The following MRC2 variants were observed in gnomAD, a reference collection of about 807,000 sequenced individuals.
The protein encoded by MRC2 is C-type mannose receptor 2.
MRC2 carries 84 observed loss-of-function variants against 206.2 expected under a neutral mutation model. That is an observed-to-expected ratio of 0.41 (90% CI 0.34 to 0.49). The LOEUF is 0.49. Ranked by LOEUF, MRC2 falls within the 20% of genes least tolerant of loss-of-function variation. The probability of loss-of-function intolerance (pLI) is 0.31; values close to 1 mark genes in which losing one functional copy is unlikely to be tolerated. For missense variants in MRC2, 1,676 were observed against 2,001.5 expected, an observed-to-expected ratio of 0.84 and a Z score of 3.10; for synonymous variants, 798 against 800.0, an observed-to-expected ratio of 1.00 and a Z score of 0.04.
At chr17:62,657,894 A>G (rs2088636769) in intron 1 of MRC2, among the ~76,000 whole-genome samples, 1 of 152,120 alleles carries the variant, frequency 6.6e-6, no homozygotes, top group South Asian at 2.1e-4. Flanking sequence ...CTTCGGGTGG[A>G]AAATGCTCTC....
At chr17:62,633,945 CAAGA>C (rs1407551229) in intron 1 of MRC2, among the ~76,000 whole-genome samples, 6 of 146,282 alleles carry the variant, frequency 4.1e-5, no homozygotes, top group Admixed American at 2.1e-4. Context: ...GGAACTCACG[CAAGA>C]AAGAATTTGA....
At chr17:62,679,606 G>C in intron 13 of MRC2, 194 bp from the exon 14 acceptor site, 1 of 506,732 alleles carries the variant, frequency 2.0e-6, no homozygotes, top group Non-Finnish European at 3.5e-6. Flanking sequence ...GCTCTCCCCA[G>C]CTCTGTCTTG....
In MRC2 at chr17:62,680,174, C is replaced by T. The variant is rs936535382; in HGVS notation, c.2303C>T (p.Ser768Phe). 4.3e-6 allele frequency: 7 copies of T among 1,613,984 alleles called. No homozygotes were observed. The highest frequency in any genetic ancestry group is 1.1e-5 in the South Asian group (1 of 91,076). Residue 768 changes from serine (S) to phenylalanine (F), a missense_variant, in exon 15 of 30, where the codon TCT becomes TTT. By Grantham distance (155) the Ser-to-Phe change is radical. Coordinates refer to ENST00000303375, the MANE Select transcript of MRC2 (RefSeq NM_006039.5). The surrounding 1 kb of genome is among the most constrained non-coding windows in gnomAD (Gnocchi z 4.8). ...CCCTCCACCCGCCTCCTCCAGTTCTCTTACCACAATTTCGACCGGAGCCGG... is the reference window on the plus strand; with the variant it reads ...CCCTCCACCCGCCTCCTCCAGTTCTTTTACCACAATTTCGACCGGAGCCGG... ...SWRWSDGVGFSYHNFDRSRHD... is the reference protein window; with the variant it reads ...SWRWSDGVGFFYHNFDRSRHD...
chr17:62,675,663 C>A lies in MRC2; in HGVS notation c.1570-127C>A. On this transcript the variant is annotated intron_variant, in intron 9 of 29. Transcript: ENST00000303375. This position sits in a 1 kb window ranked among gnomAD's most constrained non-coding sequence, Gnocchi z 4.1. ...TGCAGAACACAGCCCAGTACTCAAA[C>A]CAGTCCCCTCCGTCCTGAGCACGTT... 1 of 734,640 alleles carries A rather than the reference C, an allele frequency of 1.4e-6. No homozygotes were observed. Among genetic ancestry groups the A allele is most frequent in the Non-Finnish European group, 2.4e-6 (1 of 416,748 alleles). The allele number at this position is 734,640 out of a possible 1,614,324, so 45.5% of individuals were successfully genotyped here.
At position 62,680,405 on chromosome 17, in the gene MRC2, C is replaced by T. The variant is rs1222028831; in HGVS notation, c.2438-13C>T. 2.5e-6 allele frequency: 4 copies of T among 1,614,148 alleles called. No homozygotes were observed. The highest frequency in any genetic ancestry group is 3.4e-6 in the Non-Finnish European group (4 of 1,179,988). On this transcript the variant is annotated splice_polypyrimidine_tract_variant and intron_variant, in intron 15 of 29. Transcript: ENST00000303375. This position sits in a 1 kb window ranked among gnomAD's most constrained non-coding sequence, Gnocchi z 4.8. ...CTCCTTTCCTCACAACGTCTTTGTCCTTGTTCCCCTAGGTACGGACGTGCG... is the reference window on the plus strand; with the variant it reads ...CTCCTTTCCTCACAACGTCTTTGTCTTTGTTCCCCTAGGTACGGACGTGCG...
intron 26 of MRC2, 27 bp from the exon 27 acceptor site, chr17:62,690,615 C>T (rs774780692): frequency 4.9e-5 from 77 of 1,576,720 alleles, no homozygotes; most frequent in Non-Finnish European, 6.1e-5. Flanking sequence ...ACCCATCCGC[C>T]CTGACGTGGG....
At chr17:62,641,644 A>G (rs1449160501) in intron 1 of MRC2, among the ~76,000 whole-genome samples, 7 of 152,230 alleles carry the variant, frequency 4.6e-5, no homozygotes, top group African/African-American at 1.7e-4. Context: ...AGATATGGAT[A>G]AATTATAGAA....
intron 1 of MRC2, among the ~76,000 whole-genome samples, chr17:62,657,722 G>A (rs946797669): frequency 3.3e-5 from 5 of 152,168 alleles, no homozygotes; most frequent in Non-Finnish European, 7.3e-5. Context: ...TGCCCGCTTT[G>A]TATGTGCTTG....
Position 62,686,161 on chromosome 17 carries a change from A to G in MRC2, c.2947-2128A>G, listed in dbSNP as rs190733394. ...AATTCACGGTAGGGTTCGCACTCCT[A>G]TGAGAATCTTGGCTGGGCGCGGTGG... On this transcript the variant is annotated intron_variant, in intron 20 of 29. Transcript: ENST00000303375. 2.2e-3 allele frequency among the ~76,000 whole-genome samples: 335 copies of G among 152,280 alleles called. 1 individual carries two copies. Among genetic ancestry groups the G allele is most frequent in the Non-Finnish European group, 3.7e-3 (249 of 68,010 alleles).
At position 62,666,095 on chromosome 17, in the gene MRC2, G is replaced by A. The variant is rs1225324641; in HGVS notation, c.522G>A (p.Glu174=). 1 of 1,586,970 alleles carries A rather than the reference G, an allele frequency of 6.3e-7. No individual in the cohort carries two copies. Among genetic ancestry groups the A allele is most frequent in the Admixed American group, 1.8e-5 (1 of 56,250 alleles). The change falls in exon 3 of 30, where the codon GAG becomes GAA. Residue 174 remains glutamate, a splice_region_variant and synonymous_variant. Coordinates refer to ENST00000303375, the MANE Select transcript of MRC2 (RefSeq NM_006039.5). This position sits in a 1 kb window ranked among gnomAD's most constrained non-coding sequence, Gnocchi z 5.0. ...CTGGCCCCTGTCCACCCCCTGCAGA[G>A]GTCTACACCATCCAGGGAAACTCCC... The part of the protein sequence containing the change: ...EEDLCALPYH[E]VYTIQGNSHG...
At chr17:62,676,614 C>G (rs1403418413) in intron 11 of MRC2, 83 bp downstream of exon 11, 10 of 1,497,784 alleles carry the variant, frequency 6.7e-6, no homozygotes, top group Non-Finnish European at 8.1e-6. Flanking sequence ...AGCCCCAGGG[C>G]TTCCCCATAA....
intron 1 of MRC2, among the ~76,000 whole-genome samples, chr17:62,647,224 C>T (rs1309208969): frequency 4.8e-5 from 7 of 144,828 alleles, no homozygotes; most frequent in Non-Finnish European, 1.0e-4. Context: ...TGCTCTATCG[C>T]CCATGCTGGA....
chr17:62,688,644 G>T lies in MRC2; in HGVS notation c.3205G>T (p.Ala1069Ser), dbSNP rs200385260. The change falls in exon 22 of 30, where the codon GCT (alanine) becomes TCT (serine). Residue 1069 changes from alanine (A) to serine (S), a missense_variant. Transcript: ENST00000303375. ...APGEPSGPSP[A>S]PSGNKPTSCA... ...TGGGGAGCCCTCTGGCCCTAGCCCT[G>T]CTCCCAGTGGCAACAAACCGGTGAG... is the stretch of plus-strand genomic sequence containing the variant. The T allele has an allele frequency of 1.2e-6, 2 of 1,613,738 alleles. No individual in the cohort carries two copies. Among genetic ancestry groups the T allele is most frequent in the Non-Finnish European group, 1.7e-6 (2 of 1,179,976 alleles).
intron 26 of MRC2, 148 bp downstream of exon 26, chr17:62,690,453 A>G (rs2089093328): frequency 2.2e-6 from 3 of 1,338,494 alleles, no homozygotes; most frequent in South Asian, 2.9e-5. Context: ...TGTGGAGACC[A>G]TACATGACAC....
chr17:62,683,510 CTTTT>C (rs754026119), intron 20 of MRC2, among the ~76,000 whole-genome samples: 4 of 123,928 alleles, frequency 3.2e-5, no homozygotes, highest in African/African-American at 1.3e-4. Flanking sequence ...AAAAAAACAC[CTTTT>C]TTTTTTTTTT....
At chr17:62,682,130 G>A in intron 19 of MRC2, 105 bp from the exon 20 acceptor site, 4 of 1,286,300 alleles carry the variant, frequency 3.1e-6, no homozygotes, top group Non-Finnish European at 4.2e-6. Context: ...CAGGCCCTGA[G>A]CCTCTGCCCA....
chr17:62,678,905 C>A (rs1424887658), intron 13 of MRC2, among the ~76,000 whole-genome samples: 1 of 152,108 alleles, frequency 6.6e-6, no homozygotes, highest in Non-Finnish European at 1.5e-5. Flanking sequence ...CATCATCCCC[C>A]CAGCAATGCT....
rs1003399325 is a variant in MRC2 at position 62,664,061 on chromosome 17, G to T, written c.119-487G>T. On this transcript the variant is annotated intron_variant, in intron 1 of 29. Coordinates refer to ENST00000303375, the MANE Select transcript of MRC2 (RefSeq NM_006039.5). This position sits in a 1 kb window ranked among gnomAD's most constrained non-coding sequence, Gnocchi z 4.7. ...TGCAAGCTCCGCCTCCCGGGTTCAC[G>T]CCATTCTCCTGCCTCAGCCTCCCAA... is the stretch of plus-strand genomic sequence containing the variant. Among the ~76,000 whole-genome samples, 1 of 148,270 alleles carries T rather than the reference G, an allele frequency of 6.7e-6. No homozygotes were observed. Among genetic ancestry groups the T allele is most frequent in the South Asian group, 2.1e-4 (1 of 4,652 alleles).
In MRC2 at chr17:62,666,123, G is replaced by C; in HGVS notation, c.550G>C (p.Gly184Arg). 1 of 1,596,428 alleles carries C rather than the reference G, an allele frequency of 6.3e-7. No individual in the cohort carries two copies. Among genetic ancestry groups the C allele is most frequent in the Non-Finnish European group, 8.5e-7 (1 of 1,171,132 alleles). ...CTACACCATCCAGGGAAACTCCCAC[G>C]GAAAGCCGTGCACCATCCCCTTCAA... ...EVYTIQGNSH[G>R]KPCTIPFKYD... is the part of the protein sequence containing the mutation. Residue 184 changes from glycine to arginine, a missense_variant, in exon 3 of 30, where the codon GGA becomes CGA. By Grantham distance (125) the Gly-to-Arg change is moderately radical. Coordinates refer to ENST00000303375, the MANE Select transcript of MRC2 (RefSeq NM_006039.5). The surrounding 1 kb of genome is among the most constrained non-coding windows in gnomAD (Gnocchi z 5.0).
Sources: allele counts gnomAD v4.1 joint callset (sites outside exome capture counted in the v4.1 genomes callset), GRCh38; gene constraint gnomAD v4.1.1; non-coding constraint Gnocchi (gnomAD v3.1); transcripts MANE v1.5; gene names NCBI Gene and HGNC (gene_info 2026-07-23, HGNC 2026-07-21).